The following CASK variants were observed in gnomAD, a reference collection of about 807,000 sequenced individuals.
CASK encodes peripheral plasma membrane protein CASK.
Under a neutral mutation model 82.9 loss-of-function variants are expected in CASK, and 4 were observed. The ratio of observed to expected loss-of-function variants is 0.05; its 90% CI spans 0.02 to 0.11. The LOEUF (loss-of-function observed/expected upper bound fraction) is 0.11, where lower values mean the gene tolerates loss of function less well. Ranked by LOEUF, CASK falls within the 10% of genes least tolerant of loss-of-function variation. The probability of loss-of-function intolerance (pLI) is 1.00; values close to 1 mark genes in which losing one functional copy is unlikely to be tolerated. For missense variants in CASK, 358 were observed against 720.9 expected (o/e 0.50, Z 5.76); for synonymous variants, 259 against 253.5 (o/e 1.02, Z -0.20).
Position 41,893,835 on chromosome X carries a change from A to G in CASK, c.59+29095T>C, listed in dbSNP as rs772460727. 2.7e-5 allele frequency among the ~76,000 whole-genome samples: 3 copies of G among 112,701 alleles called. No individual in the cohort carries two copies. In the East Asian group the frequency reaches 8.4e-4, roughly 31 times the overall value. On this transcript the variant is annotated intron_variant, in intron 1 of 26. Transcript: ENST00000378163. ...ACAAACTTCAGTGGCCACACATTTC[A>G]GCAAAGACAGCCTCTGTAGAATTAG...
chrX:41,641,360 C>T (rs1264163150), intron 8 of CASK, among the ~76,000 whole-genome samples: 1 of 111,722 alleles, frequency 9.0e-6, no homozygotes, highest in African/African-American at 3.2e-5. Context: ...TTGGTGTGTT[C>T]ATTACCCAAA....
intron 24 of CASK, among the ~76,000 whole-genome samples, chrX:41,533,619 C>T (rs1309932236): frequency 8.9e-6 from 1 of 112,341 alleles, no homozygotes; most frequent in Non-Finnish European, 1.9e-5. Context: ...TCCTTTAGCT[C>T]TTCCAACCCT....
At chrX:41,709,220 C>A (rs1178229370) in intron 5 of CASK, among the ~76,000 whole-genome samples, 2 of 111,833 alleles carry the variant, frequency 1.8e-5, no homozygotes, top group Non-Finnish European at 3.8e-5. Flanking sequence ...AGAAGAGAAT[C>A]ATCGAAGAAT....
At chrX:41,623,657 C>T (rs2066321314) in intron 10 of CASK, among the ~76,000 whole-genome samples, 1 of 111,731 alleles carries the variant, frequency 9.0e-6, no homozygotes, top group Non-Finnish European at 1.9e-5. Flanking sequence ...AGTGATCCAC[C>T]CACCTCGGCC....
At chrX:41,598,525 T>C (rs2065854746) in intron 12 of CASK, among the ~76,000 whole-genome samples, 3 of 110,224 alleles carry the variant, frequency 2.7e-5, no homozygotes, top group Non-Finnish European at 5.7e-5. Flanking sequence ...CTAATTTTTG[T>C]ATTTTATTTT....
intron 2 of CASK, among the ~76,000 whole-genome samples, chrX:41,840,785 TATG>T (rs1433263996): frequency 4.5e-5 from 5 of 111,646 alleles, no homozygotes; most frequent in Non-Finnish European, 9.4e-5. Flanking sequence ...CATCTACTAA[TATG>T]ATCAAATAAT....
chrX:41,706,661 T>A (rs1301764828), intron 5 of CASK, among the ~76,000 whole-genome samples: 3 of 111,500 alleles, frequency 2.7e-5, no homozygotes, highest in East Asian at 2.8e-4. Flanking sequence ...ACACATATAC[T>A]TTTTTTTAGA....
chrX:41,525,270 C>T (rs1490943802), intron 25 of CASK, among the ~76,000 whole-genome samples: 2 of 111,743 alleles, frequency 1.8e-5, no homozygotes, highest in Middle Eastern at 4.7e-3. Context: ...TGCTTAACCT[C>T]TTCAGCCTTT....
At position 41,787,686 on chromosome X, in the gene CASK, T is replaced by TTTC. The variant is rs753954994; in HGVS notation, c.173-406_173-404dup. Among the ~76,000 whole-genome samples the TTTC allele has an allele frequency of 4.1e-4, 46 of 111,359 alleles. No individual in the cohort carries two copies. The East Asian group carries it at 0.011, about 28-fold the overall frequency. Reference sequence around the variant, plus strand: ...TTTACTGTTTTGATTTTTACCTCTTTTTCTTAGTTTTCCCTAAATAAAATA... The same window carrying TTTC: ...TTTACTGTTTTGATTTTTACCTCTTTTTCTTCTTAGTTTTCCCTAAATAAAATA... On this transcript the variant is annotated intron_variant, in intron 2 of 26. Transcript: ENST00000378163.
chrX:41,741,085 G>A (rs1384058238), intron 4 of CASK, among the ~76,000 whole-genome samples: 3 of 110,321 alleles, frequency 2.7e-5, no homozygotes, highest in Non-Finnish European at 5.7e-5. Flanking sequence ...GTTTCACCAT[G>A]TTGGCCAGGA....
rs990444702 is a variant in CASK at position 41,799,570 on chromosome X, A to G, written c.173-12287T>C. Among the ~76,000 whole-genome samples, 7 of 107,927 alleles carry G rather than the reference A, an allele frequency of 6.5e-5. No homozygotes were observed. The Admixed American group carries it at 7.0e-4, about 11-fold the overall frequency. The allele number at this position is 107,927 out of a possible 115,157, so 93.7% of individuals were successfully genotyped here. A position where few individuals can be genotyped will look rare whatever the true frequency, so the allele number is the denominator to read the frequency against. Reference sequence around the variant, plus strand: ...AGAAAAAACCCAGAAAACCCCCACAATGACTAGGTGGGACTTCTGGAATGG... The same window carrying G: ...AGAAAAAACCCAGAAAACCCCCACAGTGACTAGGTGGGACTTCTGGAATGG... On this transcript the variant is annotated intron_variant, in intron 2 of 26. Transcript: ENST00000378163.
At chrX:41,727,404 C>T (rs1192109149) in intron 5 of CASK, 1 of 1,211,071 alleles carries the variant, frequency 8.3e-7, no homozygotes, top group East Asian at 3.0e-5. Context: ...AAAAGGATTC[C>T]TCGCAAGAGA....
Position 41,555,907 on chromosome X carries a change from T to C in CASK, c.1807-272A>G, listed in dbSNP as rs763805261. On this transcript the variant is annotated intron_variant, in intron 19 of 26. Transcript: ENST00000378163. Reference sequence around the variant, plus strand: ...TCAGCATCTTCAACACAAAAGCCACTGCAAGTGAAACAGCCTATTAAAAAA... The same window carrying C: ...TCAGCATCTTCAACACAAAAGCCACCGCAAGTGAAACAGCCTATTAAAAAA... 1.9e-4 allele frequency: 46 copies of C among 244,455 alleles called. No homozygotes were observed. The East Asian group carries it at 2.7e-3, about 14-fold the overall frequency. The allele number at this position is 244,455 out of a possible 1,213,427, so 20.1% of individuals were successfully genotyped here.
At chrX:41,836,971 G>A (rs979151674) in intron 2 of CASK, among the ~76,000 whole-genome samples, 2 of 111,944 alleles carry the variant, frequency 1.8e-5, no homozygotes, top group African/African-American at 6.5e-5. Flanking sequence ...AGGAAAACGA[G>A]TGACAGTTTT....
At chrX:41,787,353 A>C (rs773304496) in intron 2 of CASK, 70 bp from the exon 3 acceptor site, 1 of 624,025 alleles carries the variant, frequency 1.6e-6, no homozygotes, top group African/African-American at 2.2e-5. Context: ...TGATGAATGA[A>C]TGGATGTGAT....
At chrX:41,879,165 G>A (rs1279667501) in intron 1 of CASK, among the ~76,000 whole-genome samples, 4 of 110,916 alleles carry the variant, frequency 3.6e-5, no homozygotes, top group African/African-American at 6.6e-5. Context: ...AGCTAGTGTC[G>A]TGTAAGAAAT....
intron 3 of CASK, among the ~76,000 whole-genome samples, chrX:41,769,527 C>T (rs949842328): frequency 6.0e-4 from 67 of 111,306 alleles, no homozygotes; most frequent in Middle Eastern, 4.2e-3. Context: ...TGGAAGCAAT[C>T]AGCCCCTTCA....
chrX:41,901,220 C>T (rs768128349), intron 1 of CASK, among the ~76,000 whole-genome samples: 5 of 111,937 alleles, frequency 4.5e-5, no homozygotes, highest in Admixed American at 9.4e-5. Context: ...TGGTGGTTCA[C>T]GCCTGTAATC....
intron 1 of CASK, among the ~76,000 whole-genome samples, chrX:41,918,064 A>G (rs2072723396): frequency 9.0e-6 from 1 of 111,637 alleles, no homozygotes; most frequent in Admixed American, 9.5e-5. Flanking sequence ...TGGAATATCT[A>G]CTCATTTCTG....
Sources: gnomAD v4.1 joint callset for allele counts (sites outside exome capture counted in the v4.1 genomes callset) on GRCh38, gnomAD v4.1.1 for gene constraint, MANE v1.5 for transcripts, NCBI Gene and HGNC (gene_info 2026-07-23, HGNC 2026-07-21) for gene names.